The following EXOC3 variants were observed in gnomAD, a reference collection of about 807,000 sequenced individuals.
EXOC3 encodes exocyst complex component 3, also known as SEC6-like 1.
In EXOC3, 21 loss-of-function variants were observed where a neutral mutation model predicts 73.7. The ratio of observed to expected loss-of-function variants is 0.29; its 90% CI spans 0.20 to 0.41. The LOEUF (loss-of-function observed/expected upper bound fraction) is 0.41, where lower values mean the gene tolerates loss of function less well. Among genes scored for constraint, EXOC3 ranks in the 10% least tolerant of loss-of-function variants. The pLI is 1.00. For missense variants in EXOC3, 842 were observed against 985.1 expected (o/e 0.85, Z 1.95); for synonymous variants, 410 against 389.1 (o/e 1.05, Z -0.63).
At chr5:464,450 G>T (rs749417427) in intron 10 of EXOC3, 38 bp downstream of exon 10, 33 of 1,606,068 alleles carry the variant, frequency 2.1e-5, no homozygotes, top group Admixed American at 5.0e-5. Context: ...TCACCTTGAC[G>T]CTAGGGCTCA....
intron 3 of EXOC3, among the ~76,000 whole-genome samples, chr5:448,634 T>C (rs1329756150): frequency 6.6e-6 from 1 of 152,182 alleles, no homozygotes; most frequent in Non-Finnish European, 1.5e-5. Flanking sequence ...TCACAGTGGC[T>C]GTGCTGCATC....
intron 7 of EXOC3, 111 bp downstream of exon 7, chr5:459,570 G>A: frequency 1.8e-6 from 1 of 564,320 alleles, no homozygotes. Context: ...TAAGCCGGTA[G>A]ATTCCCCACG....
At chr5:458,087 T>C (rs745906573) in intron 6 of EXOC3, 62 bp downstream of exon 6, 174 of 1,546,466 alleles carry the variant, frequency 1.1e-4, no homozygotes, top group Non-Finnish European at 1.5e-4. Flanking sequence ...ACCTGTAGGT[T>C]TTACAAAGTG....
intron 10 of EXOC3, chr5:464,753 CT>C (rs1738088735): frequency 2.4e-6 from 1 of 415,236 alleles, no homozygotes; most frequent in Non-Finnish European, 4.4e-6. Context: ...CCAGGTTCCT[CT>C]TTCCTCCAAA....
chr5:455,064 G>A (rs1737771489), intron 4 of EXOC3, among the ~76,000 whole-genome samples: 2 of 152,146 alleles, frequency 1.3e-5, no homozygotes, highest in Admixed American at 1.3e-4. Flanking sequence ...TGCAACTGTG[G>A]CTCTCTGTGC....
chr5:450,184 C>T (rs1737623532), intron 3 of EXOC3, among the ~76,000 whole-genome samples: 1 of 152,116 alleles, frequency 6.6e-6, no homozygotes, highest in Non-Finnish European at 1.5e-5. Context: ...AGGCAGAGGT[C>T]ACAGTGAGCC....
At position 459,370 on chromosome 5, in the gene EXOC3, G is replaced by T; in HGVS notation, c.1302G>T (p.Gln434His). The change falls in exon 7 of 13, where the codon CAG (glutamine) becomes CAT (histidine). Residue 434 changes from glutamine to histidine, a missense_variant. Transcript: ENST00000512944. ...TCTCTGATTTTTAGATGTTTGAACA[G>T]AATCTTCAAGTTGCTGCTCAGATAA... ...LPAIVFQMFE[Q>H]NLQVAAQISE... The T allele has an allele frequency of 6.5e-7, 1 of 1,548,564 alleles. No individual in the cohort carries two copies. Among genetic ancestry groups the T allele is most frequent in the Non-Finnish European group, 8.8e-7 (1 of 1,137,546 alleles).
In EXOC3 at chr5:465,620, G is replaced by A. The variant is rs1372202100; in HGVS notation, c.1939-98G>A. 5 of 1,461,840 alleles carry A rather than the reference G, an allele frequency of 3.4e-6. No individual in the cohort carries two copies. The African/African-American group carries it at 6.9e-5, about 20-fold the overall frequency. 90.6% of individuals were successfully genotyped at this position (1,461,840 alleles called of 1,614,324 possible). On this transcript the variant is annotated intron_variant, in intron 11 of 12. Transcript: ENST00000512944. ...AGATCCTGAGGAGTCAGGTGAAGAG[G>A]GAGGTTCCCAGTCAGGAAGGGGCTC...
intron 6 of EXOC3, among the ~76,000 whole-genome samples, chr5:458,468 A>G (rs186990230): frequency 5.7e-4 from 87 of 152,350 alleles, no homozygotes; most frequent in East Asian, 2.1e-3. Context: ...CGGTAGCACA[A>G]TCTTGGCTTA....
intron 3 of EXOC3, among the ~76,000 whole-genome samples, chr5:449,583 A>G (rs1454910332): frequency 6.6e-6 from 1 of 152,220 alleles, no homozygotes; most frequent in Non-Finnish European, 1.5e-5. Flanking sequence ...TTCACTCAGC[A>G]TGATGTCCTC....
At chr5:450,706 C>G (rs1398232999) in intron 3 of EXOC3, among the ~76,000 whole-genome samples, 1 of 151,838 alleles carries the variant, frequency 6.6e-6, no homozygotes, top group Non-Finnish European at 1.5e-5. Context: ...TTTTGACGGT[C>G]TGTTAGTAAA....
intron 3 of EXOC3, among the ~76,000 whole-genome samples, chr5:448,310 C>A (rs1359562944): frequency 6.6e-6 from 1 of 152,222 alleles, no homozygotes; most frequent in Non-Finnish European, 1.5e-5. Context: ...GGCCCTGTAA[C>A]CTGTCCCTGA....
At chr5:454,655 G>C (rs924238595) in intron 4 of EXOC3, among the ~76,000 whole-genome samples, 1 of 152,228 alleles carries the variant, frequency 6.6e-6, no homozygotes, top group Admixed American at 6.5e-5. Context: ...ACCACTCTGT[G>C]CGTGGATTAA....
At chr5:456,795 C>A in intron 4 of EXOC3, 94 bp from the exon 5 acceptor site, 1 of 939,008 alleles carries the variant, frequency 1.1e-6, no homozygotes. Flanking sequence ...GGGTGGTGGA[C>A]ATTCATGTGT....
chr5:446,998 T>C (rs1737527561), intron 2 of EXOC3: 1 of 154,398 alleles, frequency 6.5e-6, no homozygotes, highest in Non-Finnish European at 1.4e-5. Context: ...GTTCAGATTG[T>C]TTTAACTCAC....
chr5:464,228 A>G lies in EXOC3; in HGVS notation c.1654-62A>G, dbSNP rs369977100. 5.1e-5 allele frequency: 80 copies of G among 1,556,510 alleles called. No homozygotes were observed. The Middle Eastern group carries it at 1.0e-3, about 20-fold the overall frequency. On this transcript the variant is annotated intron_variant, in intron 9 of 12. Transcript: ENST00000512944. Reference sequence around the variant, plus strand: ...AGGTGAGGAAGTGCCTCCCTCCCACATGCACTCGGCTCTCGTGGGACGTTG... The same window carrying G: ...AGGTGAGGAAGTGCCTCCCTCCCACGTGCACTCGGCTCTCGTGGGACGTTG...
chr5:447,802 T>A, intron 3 of EXOC3, 50 bp downstream of exon 3: 1 of 1,319,576 alleles, frequency 7.6e-7, no homozygotes, highest in Non-Finnish European at 1.0e-6. Context: ...TGTCTTTGCA[T>A]GACTCACTGA....
chr5:445,317 G>T (rs1737473041), intron 1 of EXOC3, among the ~76,000 whole-genome samples: 1 of 151,898 alleles, frequency 6.6e-6, no homozygotes, highest in Non-Finnish European at 1.5e-5. Context: ...TGGGGTTTTG[G>T]ATACCCAAGA....
At position 466,946 on chromosome 5, in the gene EXOC3, C is replaced by T. The variant is rs1158929129; in HGVS notation, c.*48C>T. The T allele has an allele frequency of 2.0e-6, 3 of 1,524,290 alleles. No homozygotes were observed. The highest frequency in any genetic ancestry group is 1.4e-5 in the African/African-American group (1 of 72,396). 94.4% of individuals were successfully genotyped at this position (1,524,290 alleles called of 1,614,324 possible). A position where few individuals can be genotyped will look rare whatever the true frequency, so the allele number is the denominator to read the frequency against. The stretch of plus-strand genomic sequence containing the variant: ...GCCCCTCCACAGCCTCGGTCCCTGC[C>T]TTTAGAAACGCGGGACAGCTGATTG... On this transcript the variant is annotated 3_prime_UTR_variant, in exon 13 of 13. Coordinates refer to ENST00000512944, the MANE Select transcript of EXOC3 (RefSeq NM_007277.5).
Sources: gnomAD v4.1 joint callset for allele counts (sites outside exome capture counted in the v4.1 genomes callset) on GRCh38, gnomAD v4.1.1 for gene constraint, MANE v1.5 for transcripts, NCBI Gene and HGNC (gene_info 2026-07-23, HGNC 2026-07-21) for gene names.